SYNPR: variants seen among roughly 807,000 people sequenced by gnomAD.
SYNPR encodes the protein synaptoporin.
Under a neutral mutation model 32.9 loss-of-function variants are expected in SYNPR, and 23 were observed. The observed-to-expected ratio is 0.70, with a 90% CI of 0.50 to 0.99. SYNPR has a LOEUF of 0.99. Ranked by LOEUF, SYNPR falls within the 50% of genes least tolerant of loss-of-function variation. The probability of loss-of-function intolerance (pLI) is 0.00; values close to 1 mark genes in which losing one functional copy is unlikely to be tolerated. For missense variants in SYNPR, 318 were observed against 349.3 expected (o/e 0.91, Z 0.71); for synonymous variants, 146 against 135.9 (o/e 1.07, Z -0.52).
chr3:63,200,729 T>C, the SYNPR span, among the ~76,000 whole-genome samples: 1 of 152,220 alleles, frequency 6.6e-6, no homozygotes, highest in Admixed American at 6.5e-5. Context: ...TCAAGCTGTT[T>C]CCTGAATTAG....
intron 5 of SYNPR, among the ~76,000 whole-genome samples, chr3:63,613,238 T>A (rs1266317501): frequency 6.6e-6 from 1 of 151,962 alleles, no homozygotes; most frequent in East Asian, 1.9e-4. Context: ...CATACACTTG[T>A]AAAGGTGCAA....
At chr3:63,501,060 T>C (rs17068842) in intron 3 of SYNPR, among the ~76,000 whole-genome samples, 4,990 of 148,834 alleles carry the variant, frequency 0.034, 272 homozygotes, top group African/African-American at 0.11. Context: ...CCATGGCAAA[T>C]TGTAAAAAAA....
At chr3:63,474,186 A>G (rs1232322796) in intron 2 of SYNPR, among the ~76,000 whole-genome samples, 1 of 152,120 alleles carries the variant, frequency 6.6e-6, no homozygotes, top group African/African-American at 2.4e-5. Context: ...AACATTGGAG[A>G]TTTTACCCAC....
chr3:63,427,821 A>C (rs913713537), intron 2 of SYNPR, among the ~76,000 whole-genome samples: 5 of 152,312 alleles, frequency 3.3e-5, no homozygotes, highest in Middle Eastern at 3.4e-3. Flanking sequence ...GCTCTTTCTC[A>C]TACAGTTCTC....
chr3:63,403,349 C>T (rs1031126193), intron 2 of SYNPR, among the ~76,000 whole-genome samples: 21 of 151,630 alleles, frequency 1.4e-4, no homozygotes, highest in Non-Finnish European at 2.2e-4. Flanking sequence ...TGTGTTACTG[C>T]ATTACTGTGT....
chr3:63,494,522 C>CATAT (rs67679314), intron 3 of SYNPR, among the ~76,000 whole-genome samples: 1 of 52,140 alleles, frequency 1.9e-5, no homozygotes, highest in Non-Finnish European at 4.2e-5. Context: ...TACATATATA[C>CATAT]ATATATATAT....
intron 3 of SYNPR, among the ~76,000 whole-genome samples, chr3:63,512,237 G>A (rs907926341): frequency 4.6e-5 from 7 of 152,030 alleles, no homozygotes; most frequent in Non-Finnish European, 1.0e-4. Flanking sequence ...TTATCTTTTG[G>A]CACTGCCTCT....
intron 1 of SYNPR, among the ~76,000 whole-genome samples, chr3:63,233,478 A>C (rs186172801): frequency 7.1e-4 from 108 of 152,246 alleles, no homozygotes; most frequent in Non-Finnish European, 1.3e-4. Flanking sequence ...TGATACTCCC[A>C]TTACTCTGAC....
Position 63,255,606 on chromosome 3 carries a change from A to T in SYNPR, n.154+3020A>T, listed in dbSNP as rs150610717. ...GTGGCAGAGGTGAGATTAATAACTC[A>T]TGACTTGAGGAGGAGCCAAGATGGC... On this transcript the variant is annotated intron_variant and non_coding_transcript_variant, in intron 2 of 4. Transcript: ENST00000478456. 7.0e-4 allele frequency among the ~76,000 whole-genome samples: 107 copies of T among 152,322 alleles called. 1 individual carries two copies. In the East Asian group the frequency reaches 0.017, roughly 24 times the overall value.
chr3:63,611,797 T>A (rs1218577139), intron 5 of SYNPR, among the ~76,000 whole-genome samples: 1 of 152,242 alleles, frequency 6.6e-6, no homozygotes, highest in Admixed American at 6.5e-5. Flanking sequence ...CAGGTCCAGT[T>A]GCAAATTTCT....
At chr3:63,415,249 C>T (rs1360265502) in intron 2 of SYNPR, among the ~76,000 whole-genome samples, 4 of 152,182 alleles carry the variant, frequency 2.6e-5, no homozygotes, top group Admixed American at 2.6e-4. Flanking sequence ...TCAACAACAG[C>T]ATGCTGGTAG....
chr3:63,398,828 G>T, intron 2 of SYNPR, among the ~76,000 whole-genome samples: 1 of 152,320 alleles, frequency 6.6e-6, no homozygotes, highest in Middle Eastern at 3.4e-3. Context: ...AGGAATATCT[G>T]AGGGGACCAC....
chr3:63,496,075 T>A (rs9857079), intron 3 of SYNPR, among the ~76,000 whole-genome samples: 21,382 of 152,052 alleles, frequency 0.14, 1,635 homozygotes, highest in Non-Finnish European at 0.18. Context: ...GAACTCTTTG[T>A]ATTTTCCTCC....
At chr3:63,271,441 T>C (rs183757730) in intron 3 of SYNPR, among the ~76,000 whole-genome samples, 112 of 152,290 alleles carry the variant, frequency 7.4e-4, no homozygotes, top group African/African-American at 2.5e-3. Context: ...GGTTTTCTTT[T>C]ACCTCATTCA....
chr3:63,381,023 A>T (rs1356388390), intron 2 of SYNPR, among the ~76,000 whole-genome samples: 1 of 152,168 alleles, frequency 6.6e-6, no homozygotes, highest in East Asian at 1.9e-4. Flanking sequence ...CACCACTCCT[A>T]TTCAACATAG....
intron 2 of SYNPR, among the ~76,000 whole-genome samples, chr3:63,391,833 A>G (rs191333194): frequency 4.9e-4 from 74 of 152,322 alleles, no homozygotes; most frequent in Admixed American, 1.4e-3. Flanking sequence ...ATTTTACAGA[A>G]GAGGACACTG....
rs568135514 is a variant in SYNPR, at chr3:63,425,887, A to G, written c.85-54945A>G. 1.3e-4 allele frequency among the ~76,000 whole-genome samples: 19 copies of G among 151,824 alleles called. 2 individuals carry two copies. In the South Asian group the frequency reaches 3.8e-3, roughly 30 times the overall value. On this transcript the variant is annotated intron_variant, in intron 2 of 5. Coordinates refer to ENST00000478300, the MANE Select transcript of SYNPR (RefSeq NM_001130003.2). ...AACCTCCGCCTCCCAGGTTCAAGTA[A>G]TTCTCCTGCCTCAGCCTCCTGAGTA...
intron 4 of SYNPR, among the ~76,000 whole-genome samples, chr3:63,566,972 T>A (rs755507470): frequency 1.3e-5 from 2 of 152,196 alleles, no homozygotes; most frequent in Non-Finnish European, 2.9e-5. Flanking sequence ...CACAAGTGGA[T>A]GGGTACACAC....
intron 2 of SYNPR, among the ~76,000 whole-genome samples, chr3:63,363,778 A>C (rs2087693149): frequency 6.6e-6 from 1 of 152,158 alleles, no homozygotes; most frequent in African/African-American, 2.4e-5. Flanking sequence ...GATACTAAGA[A>C]CACAACCCTA....
Sources: gnomAD v4.1 joint callset for allele counts (sites outside exome capture counted in the v4.1 genomes callset) on GRCh38, gnomAD v4.1.1 for gene constraint, MANE v1.5 for transcripts, NCBI Gene and HGNC (gene_info 2026-07-23, HGNC 2026-07-21) for gene names.